PLAC8: variants seen among roughly 807,000 people sequenced by gnomAD.
PLAC8 encodes placenta-specific gene 8 protein.
A neutral mutation model predicts 12.6 loss-of-function variants in PLAC8; 6 were observed. The observed-to-expected ratio is 0.48, with a 90% CI of 0.26 to 0.94. The LOEUF (loss-of-function observed/expected upper bound fraction) is 0.94, where lower values mean the gene tolerates loss of function less well. PLAC8 is among the 40% of genes least tolerant of loss of function. PLAC8 has a pLI of 0.14. For missense variants in PLAC8, 122 were observed against 152.7 expected (o/e 0.80, Z 1.06); for synonymous variants, 54 against 52.6 (o/e 1.03, Z -0.11).
rs573081065 is a variant in PLAC8, at chr4:83,113,915, G to C, written c.-30+751C>G. On this transcript the variant is annotated intron_variant, in intron 1 of 4. Transcript: ENST00000311507. ...TCCTTTCTATGAGCACTTCACTCCTGAGGACAGCCCACTATCTTAATAAAA... is the reference window on the plus strand; with the variant it reads ...TCCTTTCTATGAGCACTTCACTCCTCAGGACAGCCCACTATCTTAATAAAA... Among the ~76,000 whole-genome samples the C allele has an allele frequency of 2.0e-3, 310 of 151,696 alleles. 3 individuals are homozygous for C. Among genetic ancestry groups the C allele is most frequent in the Middle Eastern group, 3.5e-3 (1 of 288 alleles).
At chr4:83,105,118 G>A in intron 2 of PLAC8, 98 bp from the exon 3 acceptor site, 1 of 1,389,682 alleles carries the variant, frequency 7.2e-7, no homozygotes, top group South Asian at 1.2e-5. Flanking sequence ...GAGTCATGGG[G>A]CCTTGGCCGC....
chr4:83,097,127 T>C (rs761231538), intron 3 of PLAC8, among the ~76,000 whole-genome samples: 9 of 152,166 alleles, frequency 5.9e-5, no homozygotes, highest in Non-Finnish European at 1.0e-4. Flanking sequence ...CCAGCTCTAT[T>C]CCTCCAAGAG....
intron 2 of PLAC8, among the ~76,000 whole-genome samples, chr4:83,105,895 T>G (rs558736736): frequency 6.6e-6 from 1 of 152,334 alleles, no homozygotes; most frequent in South Asian, 2.1e-4. Flanking sequence ...GAAGCTTAAG[T>G]CGTCACCCCA....
rs527461765 is a variant in PLAC8, at chr4:83,094,615, A to G, written c.*9+63T>C. On this transcript the variant is annotated intron_variant, in intron 4 of 4. Transcript: ENST00000311507. Reference sequence around the variant, plus strand: ...TTATTCAAAACAACAAATAATTGACAAAGTCTTTAGTGATATTTCTAAAAA... The same window carrying G: ...TTATTCAAAACAACAAATAATTGACGAAGTCTTTAGTGATATTTCTAAAAA... The G allele has an allele frequency of 2.6e-3, 2,165 of 836,904 alleles. 5 individuals carry two copies. The highest frequency in any genetic ancestry group is 3.4e-3 in the Non-Finnish European group (1,718 of 510,112). The allele number at this position is 836,904 out of a possible 1,614,324, so 51.8% of individuals were successfully genotyped here.
At chr4:83,114,236 A>T (rs1296264341) in intron 1 of PLAC8, among the ~76,000 whole-genome samples, 14 of 152,304 alleles carry the variant, frequency 9.2e-5, no homozygotes. Flanking sequence ...AAATCTACAA[A>T]ATTCCATATC....
chr4:83,107,876 C>G lies in PLAC8; in HGVS notation c.46G>C (p.Gly16Arg), dbSNP rs1270164374. 3 of 1,597,494 alleles carry G rather than the reference C, an allele frequency of 1.9e-6. No homozygotes were observed. The highest frequency in any genetic ancestry group is 2.6e-6 in the Non-Finnish European group (3 of 1,170,902). ...PVVVVTQPGVGPGPAPQNSNW... is the reference protein window; with the variant it reads ...PVVVVTQPGVRPGPAPQNSNW... ...GAGTTCTGGGGGGCCGGACCGGGACCGACTCCAGGTTGGGTCACAACGACC... is the reference window on the plus strand; with the variant it reads ...GAGTTCTGGGGGGCCGGACCGGGACGGACTCCAGGTTGGGTCACAACGACC... Residue 16 changes from glycine to arginine, a missense_variant, in exon 2 of 5, where the codon GGT becomes CGT. Gly to Arg is a moderately radical substitution (Grantham distance 125). Transcript: ENST00000311507.
intron 3 of PLAC8, among the ~76,000 whole-genome samples, chr4:83,097,059 C>G (rs114967215): frequency 1.1e-3 from 170 of 152,310 alleles, no homozygotes; most frequent in Non-Finnish European, 1.9e-3. Context: ...CTTTGGAGAT[C>G]TGTCTTGCCT....
intron 4 of PLAC8, among the ~76,000 whole-genome samples, chr4:83,091,319 G>C (rs1252855036): frequency 6.6e-6 from 1 of 152,180 alleles, no homozygotes; most frequent in Non-Finnish European, 1.5e-5. Context: ...AACTGTGACT[G>C]TTTCTCAGCC....
At chr4:83,111,491 A>T (rs1183377885) in intron 1 of PLAC8, among the ~76,000 whole-genome samples, 1 of 152,042 alleles carries the variant, frequency 6.6e-6, no homozygotes, top group Non-Finnish European at 1.5e-5. Flanking sequence ...AAAAATAAAA[A>T]AATAAAAAAA....
chr4:83,102,681 G>T (rs1274051044), intron 3 of PLAC8, among the ~76,000 whole-genome samples: 1 of 152,244 alleles, frequency 6.6e-6, no homozygotes, highest in Non-Finnish European at 1.5e-5. Context: ...AACTACAGAT[G>T]TGGTAGAAAT....
At position 83,112,198 on chromosome 4, in the gene PLAC8, A is replaced by T. The variant is rs907634143; in HGVS notation, c.-30+2468T>A. 1.5e-3 allele frequency among the ~76,000 whole-genome samples: 28 copies of T among 18,914 alleles called. 1 individual carries two copies. Among genetic ancestry groups the T allele is most frequent in the African/African-American group, 3.8e-3 (28 of 7,378 alleles). 12.4% of individuals were successfully genotyped at this position (18,914 alleles called of 152,430 possible). A position where few individuals can be genotyped will look rare whatever the true frequency, so the allele number is the denominator to read the frequency against. On this transcript the variant is annotated intron_variant, in intron 1 of 4. Transcript: ENST00000311507. ...CAAAAAAAAAAAAATTTATATATATATATATGTATATATATATATGTATAT... is the reference window on the plus strand; with the variant it reads ...CAAAAAAAAAAAAATTTATATATATTTATATGTATATATATATATGTATAT...
chr4:83,107,224 A>AAC (rs796941233), intron 2 of PLAC8, among the ~76,000 whole-genome samples: 6,521 of 64,966 alleles, frequency 0.1, 516 homozygotes, highest in African/African-American at 0.25. Context: ...AAAAAAAAAC[A>AAC]AAAAAAAAAA....
chr4:83,113,097 G>C (rs1001680201), intron 1 of PLAC8, among the ~76,000 whole-genome samples: 2 of 152,236 alleles, frequency 1.3e-5, no homozygotes, highest in African/African-American at 2.4e-5. Flanking sequence ...ACACTGTTCA[G>C]AGATTGTGGT....
At chr4:83,109,832 G>C (rs1449053904) in intron 1 of PLAC8, 1 of 152,482 alleles carries the variant, frequency 6.6e-6, no homozygotes, top group Admixed American at 6.5e-5. Context: ...CGCCAGCCCA[G>C]CTCTGGGACC....
chr4:83,093,671 G>A (rs148355539), intron 4 of PLAC8: 7 of 152,098 alleles, frequency 4.6e-5, no homozygotes, highest in East Asian at 3.9e-4. Context: ...ATAAAATACC[G>A]CTTTGTCTAT....
At chr4:83,097,946 C>G (rs1245845129) in intron 3 of PLAC8, among the ~76,000 whole-genome samples, 1 of 151,246 alleles carries the variant, frequency 6.6e-6, no homozygotes. Flanking sequence ...GCAACCTCCG[C>G]CTCCCGGGTT....
chr4:83,091,446 G>A (rs1731805204), intron 4 of PLAC8, among the ~76,000 whole-genome samples: 2 of 152,164 alleles, frequency 1.3e-5, no homozygotes, highest in Admixed American at 6.5e-5. Context: ...GGAGTTAAGA[G>A]GTTTTGGGGA....
At chr4:83,109,997 C>T (rs1732368468) in intron 1 of PLAC8, among the ~76,000 whole-genome samples, 1 of 152,080 alleles carries the variant, frequency 6.6e-6, no homozygotes, top group Non-Finnish European at 1.5e-5. Context: ...TTCGCCGGGG[C>T]GGCGCGCCGC....
chr4:83,095,598 T>C (rs1731905681), intron 3 of PLAC8, among the ~76,000 whole-genome samples: 1 of 152,074 alleles, frequency 6.6e-6, no homozygotes, highest in South Asian at 2.1e-4. Flanking sequence ...AGAGGGCACA[T>C]GTGTGTAGTG....
Sources: allele counts gnomAD v4.1 joint callset (sites outside exome capture counted in the v4.1 genomes callset), GRCh38; gene constraint gnomAD v4.1.1; transcripts MANE v1.5; gene names NCBI Gene and HGNC (gene_info 2026-07-23, HGNC 2026-07-21).